THADA: variants seen among roughly 807,000 people sequenced by gnomAD.
THADA encodes THADA armadillo repeat containing.
Under a neutral mutation model 219.8 loss-of-function variants are expected in THADA, and 213 were observed. The ratio of observed to expected loss-of-function variants is 0.97; its 90% confidence interval spans 0.87 to 1.09. The LOEUF (loss-of-function observed/expected upper bound fraction) is 1.09. Ranked by LOEUF, THADA falls within the 50% of genes least tolerant of loss-of-function variation. The probability of loss-of-function intolerance (pLI) is 0.00; values close to 1 mark genes in which losing one functional copy is unlikely to be tolerated. For missense variants in THADA, 2,956 were observed against 2,311.3 expected, an observed-to-expected ratio of 1.28 and a Z score of -5.72; for synonymous variants, 1,018 against 828.9, an observed-to-expected ratio of 1.23 and a Z score of -3.92.
intron 29 of THADA, among the ~76,000 whole-genome samples, chr2:43,389,587 G>GC (rs1673103279): frequency 1.3e-5 from 2 of 152,148 alleles, no homozygotes; most frequent in African/African-American, 2.4e-5. Context: ...AAACTGCTTG[G>GC]CCCGGCATTT....
At chr2:43,261,477 C>CT (rs1404017945) in intron 36 of THADA, among the ~76,000 whole-genome samples, 1 of 150,826 alleles carries the variant, frequency 6.6e-6, no homozygotes, top group Non-Finnish European at 1.5e-5. Context: ...GCTCTGTCGC[C>CT]CAGGCTGGAC....
At chr2:43,437,706 T>C (rs1680296620) in intron 26 of THADA, among the ~76,000 whole-genome samples, 1 of 152,170 alleles carries the variant, frequency 6.6e-6, no homozygotes, top group African/African-American at 2.4e-5. Context: ...CTGACTGCCT[T>C]TTGTTCTGGA....
chr2:43,382,534 G>A (rs983258393), intron 29 of THADA, among the ~76,000 whole-genome samples: 1 of 152,114 alleles, frequency 6.6e-6, no homozygotes, highest in Admixed American at 6.5e-5. Context: ...GAAATACCAA[G>A]CAAAAGAGAG....
intron 20 of THADA, among the ~76,000 whole-genome samples, chr2:43,545,142 T>C (rs1695853685): frequency 6.6e-6 from 1 of 152,284 alleles, no homozygotes; most frequent in South Asian, 2.1e-4. Context: ...CATGTGGTTT[T>C]TGTCTTTCGT....
intron 11 of THADA, among the ~76,000 whole-genome samples, 168 bp from the exon 12 acceptor site, chr2:43,573,160 TTAATA>T (rs1324739404): frequency 6.6e-6 from 1 of 152,228 alleles, no homozygotes; most frequent in Non-Finnish European, 1.5e-5. Context: ...TAATCATTAT[TTAATA>T]TGATTTGCCC....
At chr2:43,297,931 C>CGT (rs1675746916) in intron 31 of THADA, among the ~76,000 whole-genome samples, 1 of 105,280 alleles carries the variant, frequency 9.5e-6, no homozygotes. Flanking sequence ...CCCGGCCAGC[C>CGT]GCCATCCGGG....
At chr2:43,511,011 T>A (rs1415141107) in intron 22 of THADA, among the ~76,000 whole-genome samples, 2 of 151,566 alleles carry the variant, frequency 1.3e-5, no homozygotes, top group African/African-American at 2.4e-5. Context: ...AAGCAAAAAT[T>A]TTTTTTTGGT....
intron 7 of THADA, among the ~76,000 whole-genome samples, chr2:43,582,687 A>C (rs1224648249): frequency 2.0e-5 from 3 of 148,014 alleles, no homozygotes; most frequent in Non-Finnish European, 4.5e-5. Flanking sequence ...CTCCTGCCTC[A>C]TCCTCCCAAG....
At position 43,592,410 on chromosome 2, in the gene THADA, G is replaced by C; in HGVS notation, c.-18C>G. 6.5e-7 allele frequency: 1 copy of C among 1,547,598 alleles called. No homozygotes were observed. Among genetic ancestry groups the C allele is most frequent in the Non-Finnish European group, 8.8e-7 (1 of 1,132,040 alleles). The stretch of plus-strand genomic sequence containing the variant: ...ACACCCATTTTAAATAGAATTAATA[G>C]TAGTCACTGCAAGAAAGAAGACTTT... On this transcript the variant is annotated 5_prime_UTR_variant, in exon 2 of 38. Coordinates refer to ENST00000405975, the MANE Select transcript of THADA (RefSeq NM_022065.5).
intron 34 of THADA, among the ~76,000 whole-genome samples, chr2:43,289,641 TTTTGTTTG>T (rs528735779): frequency 1.3e-5 from 2 of 152,160 alleles, no homozygotes; most frequent in African/African-American, 4.8e-5. Flanking sequence ...CTTGGTGTTT[TTTTGTTTG>T]TTTGTTTGTT....
chr2:43,446,218 T>G (rs1325007430), intron 26 of THADA, among the ~76,000 whole-genome samples: 1 of 152,246 alleles, frequency 6.6e-6, no homozygotes, highest in Non-Finnish European at 1.5e-5. Context: ...AATCATTTAC[T>G]AAACAGTTTC....
At chr2:43,581,543 CA>C (rs397938497) in intron 8 of THADA, among the ~76,000 whole-genome samples, 197 bp downstream of exon 8, 129 of 67,686 alleles carry the variant, frequency 1.9e-3, no homozygotes, top group Admixed American at 2.4e-3. Context: ...GATTCGGTCT[CA>C]AAAAAAAAAA....
intron 31 of THADA, among the ~76,000 whole-genome samples, chr2:43,314,856 C>T (rs1433785078): frequency 6.6e-6 from 1 of 152,146 alleles, no homozygotes; most frequent in Non-Finnish European, 1.5e-5. Context: ...AAAACAAAAC[C>T]CCCAGATTTG....
chr2:43,571,136 A>G (rs1699246683), intron 13 of THADA, among the ~76,000 whole-genome samples: 1 of 152,140 alleles, frequency 6.6e-6, no homozygotes, highest in South Asian at 2.1e-4. Context: ...TGCCCCTGTC[A>G]TCCCAGCTAC....
chr2:43,398,092 G>A lies in THADA; in HGVS notation c.4106C>T (p.Ala1369Val), dbSNP rs1409485099. 1 of 1,613,840 alleles carries A rather than the reference G, an allele frequency of 6.2e-7. No homozygotes were observed. The highest frequency in any genetic ancestry group is 2.2e-5 in the East Asian group (1 of 44,894). ...ATCTATCATAACAAATGGGACCAAG[G>A]CACGAGCTGCCATTTCACGGGAGTG... ...VYHSREMAAR[A>V]LVPFVMIDHI... The change falls in exon 29 of 38, where the codon GCC becomes GTC. Residue 1369 changes from alanine to valine, a missense_variant. By Grantham distance (64) the Ala-to-Val change is moderately conservative. Transcript: ENST00000405975.
chr2:43,560,479 CA>C lies in THADA; in HGVS notation c.2312-95del, dbSNP rs529224993. ...GACCAAATTTATAGAAAATAAGTAC[CA>C]AAAAACCACACTTCATACTTTACCC... On this transcript the variant is annotated intron_variant, in intron 15 of 37. Coordinates refer to ENST00000405975, the MANE Select transcript of THADA (RefSeq NM_022065.5). 4,612 of 858,668 alleles carry C rather than the reference CA, an allele frequency of 5.4e-3. 23 individuals carry two copies. The highest frequency in any genetic ancestry group is 6.9e-3 in the Non-Finnish European group (4,101 of 596,388). 53.2% of individuals were successfully genotyped at this position (858,668 alleles called of 1,614,324 possible).
chr2:43,474,975 T>A (rs1407169703), intron 26 of THADA, among the ~76,000 whole-genome samples: 1 of 151,874 alleles, frequency 6.6e-6, no homozygotes, highest in Non-Finnish European at 1.5e-5. Context: ...AAAAAAACAT[T>A]TAGAGTTTAG....
chr2:43,331,712 G>A (rs912200539), intron 30 of THADA, among the ~76,000 whole-genome samples: 3 of 151,944 alleles, frequency 2.0e-5, no homozygotes, highest in Non-Finnish European at 4.4e-5. Flanking sequence ...ACCACTTTTT[G>A]GTGTTTCCAA....
chr2:43,433,948 C>T (rs956745017), intron 26 of THADA, among the ~76,000 whole-genome samples: 2 of 152,222 alleles, frequency 1.3e-5, no homozygotes, highest in African/African-American at 4.8e-5. Flanking sequence ...CTCTGCCTCC[C>T]ACAGTGCTGG....
Sources: gnomAD v4.1 joint callset for allele counts (sites outside exome capture counted in the v4.1 genomes callset) on GRCh38, gnomAD v4.1.1 for gene constraint, MANE v1.5 for transcripts, NCBI Gene and HGNC (gene_info 2026-07-23, HGNC 2026-07-21) for gene names.